NKAIN2: variants seen among roughly 807,000 people sequenced by gnomAD.
NKAIN2 encodes sodium/potassium-transporting ATPase subunit beta-1-interacting protein 2.
Under a neutral mutation model 32.6 loss-of-function variants are expected in NKAIN2, and 14 were observed. The observed-to-expected ratio is 0.43, with a 90% CI of 0.28 to 0.67. The LOEUF (loss-of-function observed/expected upper bound fraction) is 0.67. Among genes scored for constraint, NKAIN2 ranks in the 30% least tolerant of loss-of-function variants. The probability of loss-of-function intolerance (pLI) is 0.17; values close to 1 mark genes in which losing one functional copy is unlikely to be tolerated. For missense variants in NKAIN2, 198 were observed against 258.3 expected (o/e 0.77, Z 1.60); for synonymous variants, 80 against 87.2 (o/e 0.92, Z 0.46).
chr6:124,786,540 C>G (rs1779513609), intron 4 of NKAIN2, among the ~76,000 whole-genome samples: 1 of 151,772 alleles, frequency 6.6e-6, no homozygotes, highest in Non-Finnish European at 1.5e-5. Context: ...TCTGTGGATA[C>G]AAAAAAGAAT....
At chr6:124,000,507 G>T (rs1779835557) in intron 1 of NKAIN2, among the ~76,000 whole-genome samples, 1 of 152,026 alleles carries the variant, frequency 6.6e-6, no homozygotes, top group Non-Finnish European at 1.5e-5. Context: ...GAATTTTAGT[G>T]TGAGGAACAA....
chr6:124,047,122 C>G (rs1468684916), intron 1 of NKAIN2, among the ~76,000 whole-genome samples: 1 of 151,872 alleles, frequency 6.6e-6, no homozygotes, highest in Non-Finnish European at 1.5e-5. Flanking sequence ...TTTGTTAACC[C>G]TTTACAATCC....
Position 124,516,900 on chromosome 6 carries a change from C to T in NKAIN2, c.274-141286C>T, listed in dbSNP as rs558577535. Among the ~76,000 whole-genome samples, 5 of 152,066 alleles carry T rather than the reference C, an allele frequency of 3.3e-5. No individual in the cohort carries two copies. The South Asian group carries it at 6.2e-4, about 19-fold the overall frequency. On this transcript the variant is annotated intron_variant, in intron 3 of 6. Transcript: ENST00000368417. ...AACCAATTTTTGTGAATGTTGGGTA[C>T]GTAAAAACATCTTCAAAGTAAACAT...
chr6:124,229,847 CT>C (rs1180165186), intron 1 of NKAIN2, among the ~76,000 whole-genome samples: 1 of 152,108 alleles, frequency 6.6e-6, no homozygotes, highest in African/African-American at 2.4e-5. Context: ...TCTGTTAAAT[CT>C]CTTTTTCTTC....
chr6:124,234,104 T>C (rs200999585), intron 1 of NKAIN2, among the ~76,000 whole-genome samples: 1 of 152,148 alleles, frequency 6.6e-6, no homozygotes, highest in East Asian at 1.9e-4. Flanking sequence ...CAGCTCTTTC[T>C]GTTGTCTAGT....
chr6:124,316,360 C>A (rs1433723819), intron 2 of NKAIN2, among the ~76,000 whole-genome samples: 1 of 152,038 alleles, frequency 6.6e-6, no homozygotes, highest in Non-Finnish European at 1.5e-5. Context: ...TGTATGTCTG[C>A]ATGACACAGA....
intron 1 of NKAIN2, among the ~76,000 whole-genome samples, chr6:124,137,626 T>C (rs1007400967): frequency 6.6e-6 from 1 of 152,056 alleles, no homozygotes; most frequent in African/African-American, 2.4e-5. Context: ...TACCAGACTA[T>C]AGCTACCAAA....
intron 4 of NKAIN2, among the ~76,000 whole-genome samples, chr6:124,720,342 T>A (rs1028300416): frequency 6.6e-6 from 1 of 152,190 alleles, no homozygotes; most frequent in Admixed American, 6.5e-5. Flanking sequence ...TTACCCGCAA[T>A]TGACAAGTTA....
chr6:124,024,094 A>G (rs1375353545), intron 1 of NKAIN2, among the ~76,000 whole-genome samples: 1 of 152,150 alleles, frequency 6.6e-6, no homozygotes, highest in Non-Finnish European at 1.5e-5. Flanking sequence ...TAGTTAAGAA[A>G]CTATATTCTG....
chr6:124,313,129 G>A (rs1369354954), intron 2 of NKAIN2, among the ~76,000 whole-genome samples: 4 of 152,062 alleles, frequency 2.6e-5, no homozygotes, highest in African/African-American at 9.7e-5. Flanking sequence ...AGAAAAACCT[G>A]CATAGCTGAC....
chr6:124,666,546 G>C (rs1245908909), intron 4 of NKAIN2, among the ~76,000 whole-genome samples: 1 of 152,120 alleles, frequency 6.6e-6, no homozygotes, highest in East Asian at 1.9e-4. Flanking sequence ...ATAAATTCAT[G>C]TGAATATCAT....
At chr6:124,179,082 C>T (rs1043819070) in intron 1 of NKAIN2, among the ~76,000 whole-genome samples, 1 of 152,138 alleles carries the variant, frequency 6.6e-6, no homozygotes, top group Non-Finnish European at 1.5e-5. Flanking sequence ...AAATTGTTAG[C>T]TTGCAAATAT....
chr6:123,889,927 T>C (rs868825440), intron 1 of NKAIN2, among the ~76,000 whole-genome samples: 1 of 152,144 alleles, frequency 6.6e-6, no homozygotes, highest in Non-Finnish European at 1.5e-5. Flanking sequence ...TTTAATTTTT[T>C]AGTTATTTGT....
At chr6:123,972,506 A>G (rs1354163468) in intron 1 of NKAIN2, among the ~76,000 whole-genome samples, 1 of 152,226 alleles carries the variant, frequency 6.6e-6, no homozygotes, top group Non-Finnish European at 1.5e-5. Context: ...AGAAGCTGCC[A>G]CTTATTCCAG....
At chr6:124,714,593 C>G (rs369705669) in intron 4 of NKAIN2, among the ~76,000 whole-genome samples, 1 of 152,200 alleles carries the variant, frequency 6.6e-6, no homozygotes, top group Non-Finnish European at 1.5e-5. Context: ...CATTTAAAGC[C>G]TTTGCAGTCT....
intron 1 of NKAIN2, among the ~76,000 whole-genome samples, chr6:124,093,946 G>C (rs1435794976): frequency 3.9e-5 from 6 of 152,060 alleles, no homozygotes; most frequent in Non-Finnish European, 8.8e-5. Context: ...AGAAATCAAT[G>C]TTTATGTGCT....
chr6:124,024,788 A>G (rs1781030135), intron 1 of NKAIN2, among the ~76,000 whole-genome samples: 1 of 152,056 alleles, frequency 6.6e-6, no homozygotes, highest in Non-Finnish European at 1.5e-5. Context: ...CGAGATCAAG[A>G]CCATCCTGGC....
At chr6:124,604,316 T>A (rs776906331) in intron 3 of NKAIN2, among the ~76,000 whole-genome samples, 21 of 152,158 alleles carry the variant, frequency 1.4e-4, no homozygotes, top group Non-Finnish European at 1.3e-4. Context: ...TGCTAACTGC[T>A]CCCTTCCTTA....
At chr6:124,643,935 C>T (rs1784077987) in intron 3 of NKAIN2, among the ~76,000 whole-genome samples, 1 of 152,146 alleles carries the variant, frequency 6.6e-6, no homozygotes, top group African/African-American at 2.4e-5. Context: ...CTTCAAATAC[C>T]ATAAGCTGGA....
Sources: gnomAD v4.1 joint callset for allele counts (sites outside exome capture counted in the v4.1 genomes callset) on GRCh38, gnomAD v4.1.1 for gene constraint, MANE v1.5 for transcripts, NCBI Gene and HGNC (gene_info 2026-07-23, HGNC 2026-07-21) for gene names.